CGRRF1: variants seen among roughly 807,000 people sequenced by gnomAD.
The protein encoded by CGRRF1 is cell growth regulator with ring finger domain 1, also known as cell growth regulator with RING finger domain protein 1.
Under a neutral mutation model 37.2 loss-of-function variants are expected in CGRRF1, and 32 were observed. The observed-to-expected ratio is 0.86, with a 90% CI of 0.65 to 1.16. The LOEUF (loss-of-function observed/expected upper bound fraction) is 1.16, where lower values mean the gene tolerates loss of function less well. Ranked by LOEUF, CGRRF1 falls within the 50% of genes most tolerant of loss-of-function variation. The pLI is 0.00. For synonymous variants in CGRRF1, 141 were observed against 140.3 expected, an observed-to-expected ratio of 1.00 and a Z score of -0.04; for missense variants, 391 against 382.6, an observed-to-expected ratio of 1.02 and a Z score of -0.18.
intron 2 of CGRRF1, among the ~76,000 whole-genome samples, chr14:54,528,074 G>A (rs1275936786): frequency 1.3e-5 from 2 of 151,536 alleles, no homozygotes; most frequent in African/African-American, 4.9e-5. Flanking sequence ...CACATATATG[G>A]GTATCCATTC....
chr14:54,516,001 T>C (rs2032209163), intron 1 of CGRRF1, among the ~76,000 whole-genome samples: 1 of 152,178 alleles, frequency 6.6e-6, no homozygotes, highest in Non-Finnish European at 1.5e-5. Flanking sequence ...TCTTTTCCCC[T>C]CTTTTATTTT....
At chr14:54,516,313 T>G (rs2140055054) in intron 1 of CGRRF1, among the ~76,000 whole-genome samples, 1 of 152,354 alleles carries the variant, frequency 6.6e-6, no homozygotes, top group South Asian at 2.1e-4. Flanking sequence ...AGGCATACTT[T>G]AATTTTTCTT....
chr14:54,538,197 C>G lies in CGRRF1; in HGVS notation c.813C>G (p.Ser271Arg), dbSNP rs2032631031. 1.2e-6 allele frequency: 2 copies of G among 1,614,160 alleles called. No homozygotes were observed. Among genetic ancestry groups the G allele is most frequent in the Non-Finnish European group, 1.7e-6 (2 of 1,180,026 alleles). Reference sequence around the variant, plus strand: ...AAGTTGAGCCATCGGAAGAGAACAGCAAGGACTGTGTTGTTTGCCAGAATG... The same window carrying G: ...AAGTTGAGCCATCGGAAGAGAACAGGAAGGACTGTGTTGTTTGCCAGAATG... ...ESEVEPSEEN[S>R]KDCVVCQNGT... is the part of the protein sequence containing the mutation. The change falls in exon 6 of 6, where the codon AGC (serine) becomes AGG (arginine). Residue 271 changes from serine (S) to arginine (R), a missense_variant. Ser to Arg is a moderately radical substitution (Grantham distance 110). Transcript: ENST00000216420.
intron 1 of CGRRF1, among the ~76,000 whole-genome samples, chr14:54,520,805 C>T (rs907655431): frequency 5.3e-5 from 8 of 152,158 alleles, no homozygotes; most frequent in East Asian, 1.9e-4. Context: ...CTCATTTCAG[C>T]GGAGTCTTTC....
intron 4 of CGRRF1, among the ~76,000 whole-genome samples, chr14:54,531,875 C>A (rs1396893190): frequency 1.3e-5 from 2 of 152,138 alleles, no homozygotes; most frequent in African/African-American, 4.8e-5. Flanking sequence ...TCCTTACACA[C>A]AATTGACTAC....
At chr14:54,529,644 T>G (rs2032474808) in intron 2 of CGRRF1, among the ~76,000 whole-genome samples, 1 of 152,204 alleles carries the variant, frequency 6.6e-6, no homozygotes, top group Non-Finnish European at 1.5e-5. Context: ...CATATCCCCT[T>G]TAGAGGACAG....
intron 1 of CGRRF1, among the ~76,000 whole-genome samples, chr14:54,517,592 T>C (rs1489465985): frequency 6.6e-6 from 1 of 152,170 alleles, no homozygotes; most frequent in Non-Finnish European, 1.5e-5. Flanking sequence ...TTATTATTAT[T>C]ATTTTTAGTT....
chr14:54,538,437 A>G lies in CGRRF1; in HGVS notation c.*54A>G. The G allele has an allele frequency of 1.5e-6, 2 of 1,302,196 alleles. No individual in the cohort carries two copies. The highest frequency in any genetic ancestry group is 2.1e-6 in the Non-Finnish European group (2 of 931,742). 80.7% of individuals were successfully genotyped at this position (1,302,196 alleles called of 1,614,324 possible). A position where few individuals can be genotyped will look rare whatever the true frequency, so the allele number is the denominator to read the frequency against. On this transcript the variant is annotated 3_prime_UTR_variant, in exon 6 of 6. Coordinates refer to ENST00000216420, the MANE Select transcript of CGRRF1 (RefSeq NM_006568.3). ...TCTACTAAAGATGCAGAAATTGATG[A>G]TCTTGGAATTCATCATAACATGGAA...
At chr14:54,518,588 C>T (rs976526489) in intron 1 of CGRRF1, among the ~76,000 whole-genome samples, 3 of 151,546 alleles carry the variant, frequency 2.0e-5, no homozygotes, top group African/African-American at 4.8e-5. Context: ...TTCTTTTTCT[C>T]CACAACTTTG....
intron 1 of CGRRF1, among the ~76,000 whole-genome samples, chr14:54,513,309 A>G (rs564905803): frequency 2.6e-5 from 4 of 152,336 alleles, no homozygotes; most frequent in Admixed American, 1.3e-4. Context: ...TTATTTCTGA[A>G]GCTGTGTGCT....
chr14:54,526,259 C>G (rs1233659964), intron 2 of CGRRF1, among the ~76,000 whole-genome samples: 1 of 146,120 alleles, frequency 6.8e-6, no homozygotes, highest in Non-Finnish European at 1.5e-5. Context: ...AAGCAATTCT[C>G]CTCCCTTAGC....
rs780350368 is a variant in CGRRF1, at chr14:54,537,763, T to C, written c.612T>C (p.Tyr204=). Residue 204 remains tyrosine, a synonymous_variant, in exon 5 of 6, where the codon TAT becomes TAC. Transcript: ENST00000216420. ...TGATTCATATTCCTGATAGGACTTA[T>C]AAACTATCCTGCAGAATATTGTATC... ...VSVIHIPDRT[Y]KLSCRILYQY... is the part of the protein sequence containing the mutation. 5.0e-6 allele frequency: 8 copies of C among 1,595,906 alleles called. No homozygotes were observed. The highest frequency in any genetic ancestry group is 2.7e-5 in the African/African-American group (2 of 73,934).
chr14:54,520,875 CTTTTTT>C (rs1053290356), intron 1 of CGRRF1, among the ~76,000 whole-genome samples: 2 of 151,728 alleles, frequency 1.3e-5, no homozygotes, highest in African/African-American at 4.8e-5. Flanking sequence ...TTTTCTTTTT[CTTTTTT>C]ATCTATCACT....
chr14:54,526,495 G>A (rs1453878083), intron 2 of CGRRF1, among the ~76,000 whole-genome samples: 4 of 151,764 alleles, frequency 2.6e-5, no homozygotes, highest in African/African-American at 7.3e-5. Context: ...CCAGAGAATC[G>A]ATTTTAATCT....
intron 1 of CGRRF1, among the ~76,000 whole-genome samples, chr14:54,513,851 T>C (rs1441727372): frequency 3.9e-5 from 6 of 152,100 alleles, no homozygotes; most frequent in African/African-American, 1.4e-4. Flanking sequence ...CTGAACACAG[T>C]TTTAACTGCG....
chr14:54,533,095 CT>C (rs563482531), intron 4 of CGRRF1, among the ~76,000 whole-genome samples: 33 of 146,234 alleles, frequency 2.3e-4, no homozygotes, highest in Admixed American at 4.1e-4. Flanking sequence ...TGCTCAGGGT[CT>C]TTTTTTTTTT....
intron 1 of CGRRF1, 60 bp from the exon 2 acceptor site, chr14:54,522,394 C>A: frequency 8.3e-7 from 1 of 1,212,034 alleles, no homozygotes; most frequent in Non-Finnish European, 1.1e-6. Flanking sequence ...ACAGATTTTA[C>A]ACATAACATA....
At chr14:54,533,098 T>C (rs1369192780) in intron 4 of CGRRF1, among the ~76,000 whole-genome samples, 1 of 151,932 alleles carries the variant, frequency 6.6e-6, no homozygotes, top group Admixed American at 6.6e-5. Flanking sequence ...TCAGGGTCTT[T>C]TTTTTTTTCT....
Position 54,539,177 on chromosome 14 carries a change from A to C in CGRRF1, c.*794A>C, listed in dbSNP as rs1272486119. ...TGCCTGCACAGCAAATCCATCCAGA[A>C]CTGAGGTGGGAGGTGGAGGTTATAG... On this transcript the variant is annotated 3_prime_UTR_variant, in exon 6 of 6. Coordinates refer to ENST00000216420, the MANE Select transcript of CGRRF1 (RefSeq NM_006568.3). 1.3e-5 allele frequency: 2 copies of C among 152,196 alleles called. No individual in the cohort carries two copies. Among genetic ancestry groups the C allele is most frequent in the African/African-American group, 4.8e-5 (2 of 41,462 alleles). The allele number at this position is 152,196 out of a possible 1,614,324, so 9.4% of individuals were successfully genotyped here. A position where few individuals can be genotyped will look rare whatever the true frequency, so the allele number is the denominator to read the frequency against.
Sources: allele counts gnomAD v4.1 joint callset (sites outside exome capture counted in the v4.1 genomes callset), GRCh38; gene constraint gnomAD v4.1.1; transcripts MANE v1.5; gene names NCBI Gene and HGNC (gene_info 2026-07-23, HGNC 2026-07-21).